NOB1: variants seen among roughly 807,000 people sequenced by gnomAD.
NOB1 encodes RNA-binding protein NOB1.
Under a neutral mutation model 44.8 loss-of-function variants are expected in NOB1, and 44 were observed. That is an observed-to-expected ratio of 0.98 (90% CI 0.77 to 1.26). The LOEUF (loss-of-function observed/expected upper bound fraction) is 1.26. Among genes scored for constraint, NOB1 ranks in the 50% most tolerant of loss-of-function variants. The pLI is 0.00. For missense variants in NOB1, 560 were observed against 544.8 expected (o/e 1.03, Z -0.28); for synonymous variants, 238 against 218.7 (o/e 1.09, Z -0.78).
rs1412128509 is a variant in NOB1 at position 69,754,890 on chromosome 16, A to G, written c.21T>C (p.Val7=). The part of the protein sequence containing the change: MAPVEH[V]VADAGAFLRH... ...GCAGGAAAGCCCCAGCATCCGCCACAACGTGCTCCACTGGAGCCATGTTGG... is the reference window on the plus strand; with the variant it reads ...GCAGGAAAGCCCCAGCATCCGCCACGACGTGCTCCACTGGAGCCATGTTGG... Residue 7 remains valine (V), a synonymous_variant, in exon 1 of 9, where the codon GTT becomes GTC. Transcript: ENST00000268802. 8 of 1,594,098 alleles carry G rather than the reference A, an allele frequency of 5.0e-6. No individual in the cohort carries two copies. Among genetic ancestry groups the G allele is most frequent in the East Asian group, 2.3e-5 (1 of 44,124 alleles).
chr16:69,751,799 C>T (rs760472894), intron 3 of NOB1, among the ~76,000 whole-genome samples: 3 of 152,174 alleles, frequency 2.0e-5, no homozygotes, highest in Non-Finnish European at 4.4e-5. Flanking sequence ...CACTGGCTCA[C>T]GCCTATAATC....
At chr16:69,745,870 C>A (rs376979548) in intron 7 of NOB1, among the ~76,000 whole-genome samples, 18 of 152,338 alleles carry the variant, frequency 1.2e-4, no homozygotes, top group African/African-American at 4.1e-4. Context: ...TTTTGTACAT[C>A]AAACTGTGCA....
At chr16:69,749,699 C>T (rs1239026299) in intron 3 of NOB1, 69 bp from the exon 4 acceptor site, 28 of 1,175,950 alleles carry the variant, frequency 2.4e-5, no homozygotes, top group African/African-American at 4.7e-5. Flanking sequence ...TTTTTTTGGC[C>T]GGGCACGATG....
intron 8 of NOB1, among the ~76,000 whole-genome samples, 158 bp from the exon 9 acceptor site, chr16:69,742,759 C>G (rs910948359): frequency 2.6e-5 from 4 of 152,112 alleles, no homozygotes; most frequent in Non-Finnish European, 4.4e-5. Context: ...GACATGCCGC[C>G]GCCTCCCACC....
chr16:69,747,222 C>CAAAAAAAAAAAAA (rs35257586), intron 7 of NOB1, among the ~76,000 whole-genome samples: 1 of 78,612 alleles, frequency 1.3e-5, no homozygotes, highest in Non-Finnish European at 2.3e-5. Flanking sequence ...ACCCTGTCTC[C>CAAAAAAAAAAAAA]AAAAAAAAAA....
intron 3 of NOB1, among the ~76,000 whole-genome samples, chr16:69,750,969 T>C (rs1366661594): frequency 1.3e-5 from 2 of 152,214 alleles, no homozygotes; most frequent in African/African-American, 4.8e-5. Flanking sequence ...TGTATCAGTC[T>C]CTTCAACCTA....
intron 4 of NOB1, 58 bp from the exon 5 acceptor site, chr16:69,749,396 G>A (rs1019702474): frequency 3.8e-6 from 6 of 1,578,328 alleles, no homozygotes; most frequent in Middle Eastern, 1.7e-4. Flanking sequence ...CACCTCTCAG[G>A]TCACAGATGA....
At chr16:69,745,581 A>C (rs1232601864) in intron 7 of NOB1, among the ~76,000 whole-genome samples, 3 of 152,188 alleles carry the variant, frequency 2.0e-5, no homozygotes, top group Non-Finnish European at 4.4e-5. Context: ...GAGACAGGAA[A>C]CATGCTGCTG....
At chr16:69,752,482 A>G (rs970909239) in intron 2 of NOB1, 111 bp from the exon 3 acceptor site, 53 of 1,119,608 alleles carry the variant, frequency 4.7e-5, no homozygotes, top group Non-Finnish European at 6.3e-5. Flanking sequence ...TGGAAGTATC[A>G]AAACAATTTA....
intron 8 of NOB1, among the ~76,000 whole-genome samples, chr16:69,743,361 G>C (rs2038401120): frequency 1.3e-5 from 2 of 152,184 alleles, no homozygotes; most frequent in South Asian, 4.1e-4. Context: ...AGTTCAACGA[G>C]AAATAATATA....
intron 3 of NOB1, among the ~76,000 whole-genome samples, chr16:69,750,269 C>A (rs563010134): frequency 6.6e-6 from 1 of 151,768 alleles, no homozygotes; most frequent in Admixed American, 6.6e-5. Flanking sequence ...CCTCCCAAAG[C>A]GCTGGGATTA....
intron 2 of NOB1, among the ~76,000 whole-genome samples, chr16:69,753,962 C>T (rs1224122520): frequency 1.3e-5 from 2 of 152,164 alleles, no homozygotes; most frequent in African/African-American, 4.8e-5. Context: ...CACACCACCA[C>T]GCCCAGCTAA....
rs111725413 is a variant in NOB1, at chr16:69,748,339, C to T, written c.727-10G>A. ...TCTGCAGCAGAACATTCTACAACCACAAGTTAAAGAAGAAATCAATTTTCT... is the reference window on the plus strand; with the variant it reads ...TCTGCAGCAGAACATTCTACAACCATAAGTTAAAGAAGAAATCAATTTTCT... On this transcript the variant is annotated splice_polypyrimidine_tract_variant and intron_variant, in intron 6 of 8. Coordinates refer to ENST00000268802, the MANE Select transcript of NOB1 (RefSeq NM_014062.3). The T allele has an allele frequency of 4.6e-5, 74 of 1,607,624 alleles. 2 individuals are homozygous for T. The African/African-American group carries it at 5.6e-4, about 12-fold the overall frequency.
At chr16:69,742,974 C>T (rs1567641451) in intron 8 of NOB1, among the ~76,000 whole-genome samples, 2 of 151,708 alleles carry the variant, frequency 1.3e-5, no homozygotes, top group African/African-American at 4.9e-5. Flanking sequence ...CAGATCTTTA[C>T]TTCTAAAAAC....
At chr16:69,744,751 G>T in intron 8 of NOB1, 122 bp downstream of exon 8, 5 of 1,126,104 alleles carry the variant, frequency 4.4e-6, no homozygotes, top group Non-Finnish European at 6.3e-6. Flanking sequence ...CTCCGTCTTG[G>T]TACCTAGGTC....
chr16:69,750,633 T>TACAA lies in NOB1; in HGVS notation c.328-1007_328-1004dup, dbSNP rs571489475. Among the ~76,000 whole-genome samples the TACAA allele has an allele frequency of 1.4e-4, 21 of 152,066 alleles. No homozygotes were observed. The South Asian group carries it at 2.1e-3, about 15-fold the overall frequency. ...ATGACAGGATCCTGTCTTATTAAAA[T>TACAA]ACAAACAAACAAACAAACAAAAAAC... On this transcript the variant is annotated intron_variant, in intron 3 of 8. Coordinates refer to ENST00000268802, the MANE Select transcript of NOB1 (RefSeq NM_014062.3).
At chr16:69,749,521 A>C (rs1384560556) in intron 4 of NOB1, 38 bp downstream of exon 4, 1 of 1,587,352 alleles carries the variant, frequency 6.3e-7, no homozygotes, top group South Asian at 1.1e-5. Flanking sequence ...CATGTTTCAG[A>C]AAAGAGCATG....
At chr16:69,745,429 C>T (rs2038422341) in intron 7 of NOB1, among the ~76,000 whole-genome samples, 1 of 152,220 alleles carries the variant, frequency 6.6e-6, no homozygotes, top group Admixed American at 6.5e-5. Flanking sequence ...CCCAGGCAGT[C>T]TGGCTCCAGA....
intron 2 of NOB1, among the ~76,000 whole-genome samples, chr16:69,754,254 A>G (rs2038505956): frequency 6.6e-6 from 1 of 152,252 alleles, no homozygotes; most frequent in Non-Finnish European, 1.5e-5. Context: ...TTTAAATCCA[A>G]ATAAATTTAT....
Sources: allele counts gnomAD v4.1 joint callset (sites outside exome capture counted in the v4.1 genomes callset), GRCh38; gene constraint gnomAD v4.1.1; transcripts MANE v1.5; gene names NCBI Gene and HGNC (gene_info 2026-07-23, HGNC 2026-07-21).